UNC13C: variants seen among roughly 807,000 people sequenced by gnomAD.
UNC13C encodes the protein unc-13 homolog C.
In UNC13C, 174 loss-of-function variants were observed where a neutral mutation model predicts 245.4. That is an observed-to-expected ratio of 0.71 (90% CI 0.63 to 0.80). The LOEUF is 0.80. UNC13C is among the 30% of genes least tolerant of loss of function. The pLI, the probability that UNC13C is intolerant of heterozygous loss-of-function variation, is 0.00. For missense variants in UNC13C, 2,829 were observed against 2,602.9 expected (o/e 1.09, Z -1.89); for synonymous variants, 992 against 895.1 (o/e 1.11, Z -1.93).
intron 7 of UNC13C, among the ~76,000 whole-genome samples, chr15:54,241,474 A>G (rs1041457707): frequency 1.3e-5 from 2 of 152,178 alleles, no homozygotes; most frequent in African/African-American, 4.8e-5. Flanking sequence ...CTGCTCAGGA[A>G]CAGGAACACT....
chr15:54,399,161 A>G (rs889019169), intron 18 of UNC13C, among the ~76,000 whole-genome samples: 2 of 151,640 alleles, frequency 1.3e-5, no homozygotes. Context: ...TGTCATATTT[A>G]TAGGGGCATC....
chr15:54,465,477 A>G (rs1332670796), intron 19 of UNC13C, among the ~76,000 whole-genome samples: 1 of 152,048 alleles, frequency 6.6e-6, no homozygotes, highest in Non-Finnish European at 1.5e-5. Context: ...AAATGAAAGG[A>G]GCCATTAGTA....
intron 1 of UNC13C, among the ~76,000 whole-genome samples, chr15:54,001,641 C>A (rs555351572): frequency 6.6e-6 from 1 of 152,062 alleles, no homozygotes; most frequent in Non-Finnish European, 1.5e-5. Context: ...ATTTTTAGTA[C>A]TTTTGATGTT....
At chr15:54,213,275 C>T (rs1257487057) in intron 4 of UNC13C, among the ~76,000 whole-genome samples, 1 of 151,822 alleles carries the variant, frequency 6.6e-6, no homozygotes, top group Non-Finnish European at 1.5e-5. Context: ...AGAATTCTTT[C>T]ATTCATTAAT....
At chr15:53,921,470 G>T in the UNC13C span, among the ~76,000 whole-genome samples, 9 of 152,164 alleles carry the variant, frequency 5.9e-5, no homozygotes, top group African/African-American at 2.2e-4. Flanking sequence ...CATTCTGGTT[G>T]ACATTAAAGT....
At chr15:54,558,878 C>T (rs538490045) in intron 29 of UNC13C, among the ~76,000 whole-genome samples, 16 of 152,112 alleles carry the variant, frequency 1.1e-4, no homozygotes, top group Admixed American at 3.3e-4. Flanking sequence ...ACTTTAAAGG[C>T]GTTCTAGCTG....
chr15:54,408,217 A>AAAAAC (rs2040345320), intron 18 of UNC13C, among the ~76,000 whole-genome samples: 1 of 149,154 alleles, frequency 6.7e-6, no homozygotes. Context: ...AAAAAAAAAA[A>AAAAAC]AAAAAAAAAA....
At chr15:54,003,162 C>T (rs979431117) in intron 1 of UNC13C, among the ~76,000 whole-genome samples, 3 of 152,090 alleles carry the variant, frequency 2.0e-5, no homozygotes, top group Admixed American at 6.5e-5. Flanking sequence ...TCTGCTTTTT[C>T]AATCATATTG....
At chr15:54,524,148 G>A (rs1566887167) in intron 24 of UNC13C, among the ~76,000 whole-genome samples, 1 of 151,490 alleles carries the variant, frequency 6.6e-6, no homozygotes, top group Non-Finnish European at 1.5e-5. Context: ...CCCTGCAACT[G>A]GTTTTAGCTG....
At chr15:54,394,982 A>C (rs1028809035) in intron 18 of UNC13C, among the ~76,000 whole-genome samples, 3 of 151,838 alleles carry the variant, frequency 2.0e-5, no homozygotes, top group African/African-American at 7.2e-5. Context: ...GACATGTGCA[A>C]AAGAGAAAAT....
chr15:54,452,336 G>A (rs1891224974), intron 19 of UNC13C, among the ~76,000 whole-genome samples: 1 of 152,160 alleles, frequency 6.6e-6, no homozygotes. Context: ...CGTGGATTAT[G>A]GCAGTTATAG....
chr15:54,043,104 T>C (rs931802815), intron 2 of UNC13C, among the ~76,000 whole-genome samples: 4 of 152,146 alleles, frequency 2.6e-5, no homozygotes, highest in African/African-American at 9.7e-5. Context: ...TTATGGTAAA[T>C]TTACCTTATA....
chr15:54,060,668 C>G (rs8026835), intron 2 of UNC13C, among the ~76,000 whole-genome samples: 4 of 146,678 alleles, frequency 2.7e-5, no homozygotes, highest in East Asian at 2.0e-4. Flanking sequence ...CACATGCACA[C>G]GTATGTTTAT....
chr15:54,208,249 A>G (rs545566422), intron 4 of UNC13C, among the ~76,000 whole-genome samples: 6 of 152,188 alleles, frequency 3.9e-5, no homozygotes, highest in Admixed American at 3.3e-4. Flanking sequence ...TTCATGAGGG[A>G]TGACCCCCGC....
intron 2 of UNC13C, among the ~76,000 whole-genome samples, chr15:54,131,954 A>G (rs1014499994): frequency 6.6e-6 from 1 of 151,916 alleles, no homozygotes; most frequent in Non-Finnish European, 1.5e-5. Flanking sequence ...TCCCAAACCC[A>G]ATGTTCTCCA....
In UNC13C at chr15:54,218,424, T is replaced by G. The variant is rs1489064239; in HGVS notation, c.3072-16606T>G. Among the ~76,000 whole-genome samples, 12 of 152,036 alleles carry G rather than the reference T, an allele frequency of 7.9e-5. No homozygotes were observed. The East Asian group carries it at 2.3e-3, about 29-fold the overall frequency. ...ATTACTGTCTTACTTGAATGGTAAGTAGGTGTTAGCATTTGCTACTCAGTG... is the reference window on the plus strand; with the variant it reads ...ATTACTGTCTTACTTGAATGGTAAGGAGGTGTTAGCATTTGCTACTCAGTG... On this transcript the variant is annotated intron_variant, in intron 4 of 32. Coordinates refer to ENST00000260323, the MANE Select transcript of UNC13C (RefSeq NM_001080534.3).
At chr15:54,468,153 A>T (rs1892279207) in intron 19 of UNC13C, among the ~76,000 whole-genome samples, 1 of 151,662 alleles carries the variant, frequency 6.6e-6, no homozygotes, top group Non-Finnish European at 1.5e-5. Context: ...GATTATAGCC[A>T]ATCTAATAGT....
chr15:54,239,852 G>A (rs1243935725), intron 7 of UNC13C, among the ~76,000 whole-genome samples: 1 of 152,220 alleles, frequency 6.6e-6, no homozygotes, highest in Admixed American at 6.5e-5. Flanking sequence ...GGAGAAAGCT[G>A]CATATTGCTT....
At chr15:54,316,033 T>A (rs571663877) in intron 13 of UNC13C, among the ~76,000 whole-genome samples, 9 of 152,054 alleles carry the variant, frequency 5.9e-5, no homozygotes, top group Admixed American at 2.6e-4. Context: ...GCTCCTTCCA[T>A]CAAATTAACC....
Sources: allele counts gnomAD v4.1 joint callset (sites outside exome capture counted in the v4.1 genomes callset), GRCh38; gene constraint gnomAD v4.1.1; transcripts MANE v1.5; gene names NCBI Gene and HGNC (gene_info 2026-07-23, HGNC 2026-07-21).